SYTL3: variants seen among roughly 807,000 people sequenced by gnomAD.
The protein encoded by SYTL3 is synaptotagmin like 3, also known as synaptotagmin-like protein 3.
Under a neutral mutation model 82.1 loss-of-function variants are expected in SYTL3, and 88 were observed. That is an observed-to-expected ratio of 1.07 (90% CI 0.90 to 1.28). SYTL3 has a LOEUF of 1.28. Ranked by LOEUF, SYTL3 falls within the 50% of genes most tolerant of loss-of-function variation. SYTL3 has a pLI of 0.00. For missense variants in SYTL3, 831 were observed against 757.6 expected, an observed-to-expected ratio of 1.10 and a Z score of -1.14; for synonymous variants, 311 against 289.4, an observed-to-expected ratio of 1.07 and a Z score of -0.76.
upstream of SYTL3, among the ~76,000 whole-genome samples, chr6:158,646,723 T>C (rs1452151285): frequency 6.6e-6 from 1 of 152,216 alleles, no homozygotes; most frequent in African/African-American, 2.4e-5. Context: ...CTGAACTTTA[T>C]CTACCTTTTG....
chr6:158,683,215 CTTT>C (rs35183958), intron 6 of SYTL3, among the ~76,000 whole-genome samples: 422 of 92,118 alleles, frequency 4.6e-3, no homozygotes, highest in Non-Finnish European at 5.7e-3. Flanking sequence ...GGCCCTATTC[CTTT>C]TTTTTTTTTT....
At chr6:158,682,105 A>G (rs868046415) in intron 5 of SYTL3, among the ~76,000 whole-genome samples, 10 of 151,542 alleles carry the variant, frequency 6.6e-5, no homozygotes, top group Middle Eastern at 3.4e-3. Flanking sequence ...ATGCCTGGCT[A>G]ATTTTGTGTT....
At chr6:158,760,835 C>A (rs978389738) in intron 15 of SYTL3, 90 bp downstream of exon 15, 5 of 1,030,988 alleles carry the variant, frequency 4.8e-6, no homozygotes, top group African/African-American at 1.6e-5. Flanking sequence ...TGAAAGTTTT[C>A]TAGCATTTCC....
chr6:158,663,189 C>A lies in SYTL3; in HGVS notation c.-80C>A. ...AACAAGGCTGGCTGCAGCTGGCCTC[C>A]GCCGCTCATCTGCAGGGCGTGAGCG... On this transcript the variant is annotated 5_prime_UTR_variant, in exon 4 of 18. Transcript: ENST00000611299. 1 of 1,295,914 alleles carries A rather than the reference C, an allele frequency of 7.7e-7. No homozygotes were observed. The highest frequency in any genetic ancestry group is 1.1e-6 in the Non-Finnish European group (1 of 904,078). 80.3% of individuals were successfully genotyped at this position (1,295,914 alleles called of 1,614,324 possible).
chr6:158,701,226 GTGT>G (rs1781204999), intron 6 of SYTL3, among the ~76,000 whole-genome samples: 6 of 45,054 alleles, frequency 1.3e-4, no homozygotes, highest in African/African-American at 9.4e-4. Context: ...AGATGAAGGA[GTGT>G]GAGCTGGGGT....
At chr6:158,673,693 C>T (rs1281293987) in intron 5 of SYTL3, among the ~76,000 whole-genome samples, 1 of 151,638 alleles carries the variant, frequency 6.6e-6, no homozygotes, top group Non-Finnish European at 1.5e-5. Flanking sequence ...CTGCCTCAGC[C>T]TCCCAAAGTG....
At chr6:158,700,606 T>TTGTATGTATGTATGTA (rs372578210) in intron 6 of SYTL3, among the ~76,000 whole-genome samples, 2 of 151,826 alleles carry the variant, frequency 1.3e-5, no homozygotes, top group African/African-American at 2.4e-5. Flanking sequence ...GCTACTGATG[T>TTGTATGTATGTATGTA]TGTATGTATG....
At chr6:158,690,485 A>C (rs1168201501) in intron 6 of SYTL3, among the ~76,000 whole-genome samples, 1 of 152,130 alleles carries the variant, frequency 6.6e-6, no homozygotes, top group Non-Finnish European at 1.5e-5. Flanking sequence ...TGATGATCTT[A>C]TTGGATATGT....
At chr6:158,755,339 T>TC (rs1185128795) in intron 13 of SYTL3, among the ~76,000 whole-genome samples, 1 of 151,574 alleles carries the variant, frequency 6.6e-6, no homozygotes, top group Admixed American at 6.6e-5. Flanking sequence ...TGAGATCCTG[T>TC]CCCCCCAAAA....
intron 11 of SYTL3, among the ~76,000 whole-genome samples, chr6:158,737,773 G>C (rs1033786745): frequency 6.6e-6 from 1 of 152,226 alleles, no homozygotes; most frequent in African/African-American, 2.4e-5. Context: ...GGGAAGGAAC[G>C]CATTTGATGG....
chr6:158,654,818 CG>C (rs1035461357), intron 2 of SYTL3, among the ~76,000 whole-genome samples: 1 of 151,982 alleles, frequency 6.6e-6, no homozygotes, highest in East Asian at 1.9e-4. Context: ...GGCTGAGTGT[CG>C]GGGGGGCTTC....
intron 6 of SYTL3, among the ~76,000 whole-genome samples, chr6:158,697,845 T>C (rs1005529122): frequency 1.3e-5 from 2 of 152,192 alleles, no homozygotes; most frequent in Non-Finnish European, 2.9e-5. Flanking sequence ...TGATAGGACA[T>C]GGGTAGCTTC....
rs1790525630 is a variant in SYTL3 at position 158,764,502 on chromosome 6, C to G, written c.1731C>G (p.Asp577Glu). ...TGTCTTCCTCTCTTACAGAGGGAGA[C>G]ACAGCTGTTGGCGGGGATGCATGCT... ...LGGTRLGSKGDTAVGGDACSL... is the reference protein window; with the variant it reads ...LGGTRLGSKGETAVGGDACSL... Residue 577 changes from aspartate (D) to glutamate (E), a missense_variant, in exon 18 of 18, where the codon GAC (aspartate) becomes GAG (glutamate). Transcript: ENST00000611299. 16 of 1,613,238 alleles carry G rather than the reference C, an allele frequency of 9.9e-6. No individual in the cohort carries two copies. The highest frequency in any genetic ancestry group is 1.3e-5 in the Non-Finnish European group (15 of 1,179,432).
upstream of SYTL3, among the ~76,000 whole-genome samples, chr6:158,648,313 C>T (rs1787620591): frequency 6.6e-6 from 1 of 151,372 alleles, no homozygotes; most frequent in Non-Finnish European, 1.5e-5. Flanking sequence ...AATAATAGGC[C>T]AGGCGTGGTG....
At chr6:158,664,964 A>G (rs539331673) in intron 4 of SYTL3, among the ~76,000 whole-genome samples, 2 of 152,248 alleles carry the variant, frequency 1.3e-5, no homozygotes, top group South Asian at 4.1e-4. Context: ...ACTTATACCC[A>G]TAGCAGGATG....
chr6:158,676,568 A>C (rs1778054727), intron 5 of SYTL3, among the ~76,000 whole-genome samples: 1 of 152,020 alleles, frequency 6.6e-6, no homozygotes, highest in South Asian at 2.1e-4. Flanking sequence ...ATCTAATTAA[A>C]CTAAAGAGCT....
chr6:158,693,864 T>C (rs1171869464), intron 6 of SYTL3, among the ~76,000 whole-genome samples: 39 of 135,866 alleles, frequency 2.9e-4, no homozygotes, highest in South Asian at 7.1e-4. Flanking sequence ...TCTTTTTTTT[T>C]TTTTTTTTTG....
chr6:158,684,049 G>A (rs1779023136), intron 6 of SYTL3, among the ~76,000 whole-genome samples: 1 of 152,146 alleles, frequency 6.6e-6, no homozygotes, highest in Non-Finnish European at 1.5e-5. Context: ...ATCAGGAGAG[G>A]GGCGATTACA....
chr6:158,668,137 C>A (rs1205752650), intron 5 of SYTL3, among the ~76,000 whole-genome samples: 1 of 152,256 alleles, frequency 6.6e-6, no homozygotes, highest in Non-Finnish European at 1.5e-5. Flanking sequence ...GTGAAGATGG[C>A]AACCCAGGTC....
Sources: allele counts gnomAD v4.1 joint callset (sites outside exome capture counted in the v4.1 genomes callset), GRCh38; gene constraint gnomAD v4.1.1; transcripts MANE v1.5; gene names NCBI Gene and HGNC (gene_info 2026-07-23, HGNC 2026-07-21).